The following UGT8 variants were observed in gnomAD, a reference collection of about 807,000 sequenced individuals.
UGT8 encodes 2-hydroxyacylsphingosine 1-beta-galactosyltransferase.
In UGT8, 12 loss-of-function variants were observed where a neutral mutation model predicts 40.5. The observed-to-expected ratio is 0.30, with a 90% confidence interval of 0.19 to 0.48. The LOEUF is 0.48. Ranked by LOEUF, UGT8 falls within the 20% of genes least tolerant of loss-of-function variation. The pLI, the probability that UGT8 is intolerant of heterozygous loss-of-function variation, is 0.99. For synonymous variants in UGT8, 224 were observed against 240.4 expected, an observed-to-expected ratio of 0.93 and a Z score of 0.63; for missense variants, 513 against 648.7, an observed-to-expected ratio of 0.79 and a Z score of 2.27.
intron 2 of UGT8, among the ~76,000 whole-genome samples, chr4:114,637,029 G>A (rs951969656): frequency 6.6e-6 from 1 of 152,168 alleles, no homozygotes; most frequent in African/African-American, 2.4e-5. Flanking sequence ...GAAATTGGAG[G>A]TCTAGTAACA....
rs1416747239 is a variant in UGT8 at position 114,623,195 on chromosome 4, C to T, written c.315C>T (p.Asp105=). 1 of 1,614,058 alleles carries T rather than the reference C, an allele frequency of 6.2e-7. No individual in the cohort carries two copies. Among genetic ancestry groups the T allele is most frequent in the East Asian group, 2.2e-5 (1 of 44,890 alleles). ...GATTGACAGCAATCGAACTGTTTGA[C>T]ATACTGGATCACTATACTAAGAACT... ...SGRLTAIELF[D]ILDHYTKNCD... is the part of the protein sequence containing the mutation. The change falls in exon 2 of 6, where the codon GAC becomes GAT. Residue 105 remains aspartate, a synonymous_variant. Transcript: ENST00000310836.
intron 4 of UGT8, 26 bp from the exon 5 acceptor site, chr4:114,668,059 T>C (rs781640525): frequency 1.9e-6 from 3 of 1,608,922 alleles, no homozygotes; most frequent in Non-Finnish European, 2.5e-6. Flanking sequence ...ATGTTGTAAG[T>C]TGTTTTCTTT....
intron 2 of UGT8, among the ~76,000 whole-genome samples, chr4:114,662,816 CTTTTTTTTTT>C (rs142469406): frequency 1.9e-5 from 1 of 53,172 alleles, no homozygotes; most frequent in Non-Finnish European, 3.2e-5. Flanking sequence ...TGTGACCATG[CTTTTTTTTTT>C]TTTTTTTTTT....
At chr4:114,621,729 T>G (rs1731803924) in intron 1 of UGT8, among the ~76,000 whole-genome samples, 1 of 152,206 alleles carries the variant, frequency 6.6e-6, no homozygotes, top group South Asian at 2.1e-4. Context: ...TCATTCAGCC[T>G]TATCAAAATG....
intron 2 of UGT8, among the ~76,000 whole-genome samples, chr4:114,639,605 C>T (rs1159786701): frequency 6.6e-6 from 1 of 152,178 alleles, no homozygotes; most frequent in African/African-American, 2.4e-5. Flanking sequence ...TGGAAACCAT[C>T]TTTGAGATGA....
At chr4:114,611,075 A>G (rs1430500253) in intron 1 of UGT8, among the ~76,000 whole-genome samples, 1 of 152,110 alleles carries the variant, frequency 6.6e-6, no homozygotes, top group East Asian at 1.9e-4. Flanking sequence ...CACTTGCTGT[A>G]TTCTACTAAT....
chr4:114,639,533 C>T (rs1733085034), intron 2 of UGT8, among the ~76,000 whole-genome samples: 1 of 152,124 alleles, frequency 6.6e-6, no homozygotes, highest in Admixed American at 6.6e-5. Flanking sequence ...CATTACTTTG[C>T]TTTGCCTTTT....
chr4:114,669,471 A>G (rs1735101369), intron 5 of UGT8, among the ~76,000 whole-genome samples: 1 of 152,166 alleles, frequency 6.6e-6, no homozygotes, highest in Middle Eastern at 3.4e-3. Context: ...TCTATCTTCA[A>G]TCTTTCAGGA....
chr4:114,600,407 A>C (rs989209409), intron 1 of UGT8, among the ~76,000 whole-genome samples: 1 of 152,196 alleles, frequency 6.6e-6, no homozygotes, highest in South Asian at 2.1e-4. Flanking sequence ...TTTCATGTTC[A>C]AAAACGTCTA....
At chr4:114,650,478 A>G (rs1733835852) in intron 2 of UGT8, among the ~76,000 whole-genome samples, 1 of 152,196 alleles carries the variant, frequency 6.6e-6, no homozygotes, top group South Asian at 2.1e-4. Context: ...TATTTTTTAA[A>G]GCCTCATATC....
Position 114,623,392 on chromosome 4 carries a change from C to T in UGT8, c.512C>T (p.Pro171Leu). 2 of 1,614,182 alleles carry T rather than the reference C, an allele frequency of 1.2e-6. No individual in the cohort carries two copies. The highest frequency in any genetic ancestry group is 1.7e-6 in the Non-Finnish European group (2 of 1,180,022). The stretch of plus-strand genomic sequence containing the variant: ...TGGTATCCTGCTGAAGTGGGTGCTC[C>T]TGCTCCATTAGCATACGTCCCAGAG... Reference protein sequence around the residue: ...GLWYPAEVGAPAPLAYVPEFN... With the variant: ...GLWYPAEVGALAPLAYVPEFN... Residue 171 changes from proline to leucine, a missense_variant, in exon 2 of 6, where the codon CCT (proline) becomes CTT (leucine). Around this residue, in one of 3 missense-constraint regions of UGT8, gnomAD observed 335 missense variants for 444.8 expected, o/e 0.75. Transcript: ENST00000310836.
intron 3 of UGT8, among the ~76,000 whole-genome samples, chr4:114,664,877 A>G (rs1055968130): frequency 2.0e-5 from 3 of 152,210 alleles, no homozygotes; most frequent in Non-Finnish European, 4.4e-5. Flanking sequence ...AAGCCATTGC[A>G]AGTAGGCTTT....
intron 1 of UGT8, among the ~76,000 whole-genome samples, chr4:114,610,873 T>G (rs1730996078): frequency 6.6e-6 from 1 of 152,144 alleles, no homozygotes; most frequent in African/African-American, 2.4e-5. Context: ...AAAATACATT[T>G]AAACTAGTGA....
intron 1 of UGT8, among the ~76,000 whole-genome samples, chr4:114,605,947 A>G (rs975116768): frequency 2.6e-5 from 4 of 152,166 alleles, no homozygotes; most frequent in African/African-American, 9.7e-5. Flanking sequence ...AGCACATTAT[A>G]TATTAAATAT....
At chr4:114,664,816 A>T (rs1477269037) in intron 3 of UGT8, among the ~76,000 whole-genome samples, 1 of 152,212 alleles carries the variant, frequency 6.6e-6, no homozygotes, top group Admixed American at 6.5e-5. Context: ...AACTCTAGGG[A>T]TACAACGTCG....
chr4:114,671,540 ATCT>A (rs1254379986), intron 5 of UGT8, among the ~76,000 whole-genome samples: 3 of 152,200 alleles, frequency 2.0e-5, no homozygotes, highest in Non-Finnish European at 2.9e-5. Flanking sequence ...CAACCATCTG[ATCT>A]TCTACAAACC....
At chr4:114,626,257 A>G (rs576066006) in intron 2 of UGT8, among the ~76,000 whole-genome samples, 3 of 152,280 alleles carry the variant, frequency 2.0e-5, no homozygotes, top group Admixed American at 1.3e-4. Context: ...GTACCTTTTC[A>G]TTCTAAAAGT....
intron 2 of UGT8, among the ~76,000 whole-genome samples, chr4:114,625,304 G>A (rs527248085): frequency 6.6e-6 from 1 of 152,170 alleles, no homozygotes; most frequent in Admixed American, 6.5e-5. Flanking sequence ...CTTGAGTCCA[G>A]GAGTTCGAGA....
chr4:114,653,504 G>C (rs982532958), intron 2 of UGT8, among the ~76,000 whole-genome samples: 2 of 152,022 alleles, frequency 1.3e-5, no homozygotes, highest in Non-Finnish European at 2.9e-5. Flanking sequence ...ATCTAGAAAT[G>C]CTAAATATCA....
Sources: gnomAD v4.1 joint callset for allele counts (sites outside exome capture counted in the v4.1 genomes callset) on GRCh38, gnomAD v4.1.1 for gene constraint, gnomAD v4.1.1 regional missense constraint, MANE v1.5 for transcripts, NCBI Gene and HGNC (gene_info 2026-07-23, HGNC 2026-07-21) for gene names.